Variants in THSD4 observed in about 807,000 individuals in gnomAD.
The protein encoded by THSD4 is thrombospondin type 1 domain containing 4.
Under a neutral mutation model 119.0 loss-of-function variants are expected in THSD4, and 69 were observed. The observed-to-expected ratio is 0.58, with a 90% CI of 0.48 to 0.71. THSD4 has a LOEUF of 0.71. Among genes scored for constraint, THSD4 ranks in the 30% least tolerant of loss-of-function variants. The pLI, the probability that THSD4 is intolerant of heterozygous loss-of-function variation, is 0.00. For synonymous variants in THSD4, 524 were observed against 540.4 expected, an observed-to-expected ratio of 0.97 and a Z score of 0.42; for missense variants, 1,393 against 1,391.1, an observed-to-expected ratio of 1.00 and a Z score of -0.02.
intron 7 of THSD4, among the ~76,000 whole-genome samples, chr15:71,654,061 G>T (rs2051142668): frequency 6.6e-6 from 1 of 152,202 alleles, no homozygotes; most frequent in Non-Finnish European, 1.5e-5. Context: ...TTTCCTGTTT[G>T]TGTTGCAACT....
intron 6 of THSD4, among the ~76,000 whole-genome samples, chr15:71,282,950 G>A (rs556890922): frequency 6.6e-6 from 1 of 151,540 alleles, no homozygotes; most frequent in East Asian, 1.9e-4. Flanking sequence ...TTTGACCTGT[G>A]AGGTGGGCAG....
chr15:71,470,052 G>C (rs1358989376), intron 7 of THSD4, among the ~76,000 whole-genome samples: 1 of 152,200 alleles, frequency 6.6e-6, no homozygotes, highest in Admixed American at 6.5e-5. Context: ...TTATGCAAAG[G>C]TGTAAAGGCA....
At chr15:71,729,053 C>T (rs1188900948) in intron 9 of THSD4, 1 of 306,136 alleles carries the variant, frequency 3.3e-6, no homozygotes, top group Non-Finnish European at 6.2e-6. Context: ...CAGGCACTTT[C>T]CTTATACTGC....
At chr15:71,158,345 GT>G (rs971680053) in intron 3 of THSD4, among the ~76,000 whole-genome samples, 7 of 151,834 alleles carry the variant, frequency 4.6e-5, no homozygotes, top group Admixed American at 4.6e-4. Flanking sequence ...TAGAGACGGG[GT>G]TTCTCCATGT....
chr15:71,108,336 G>C lies in THSD4; in HGVS notation c.-80+11330G>C, dbSNP rs79881450. ...AGCAGAGACTGGGGTCCACATTGCT[G>C]GGCTAAGCTTTGGGACAAGCCCATG... On this transcript the variant is annotated intron_variant, in intron 1 of 17. Transcript: ENST00000355327. Among the ~76,000 whole-genome samples, 366 of 152,332 alleles carry C rather than the reference G, an allele frequency of 2.4e-3. 1 individual carries two copies. The highest frequency in any genetic ancestry group is 6.8e-3 in the Middle Eastern group (2 of 294).
Position 71,737,941 on chromosome 15 carries a change from C to G in THSD4, c.1840C>G (p.Arg614Gly), listed in dbSNP as rs761832138. 1 of 1,613,896 alleles carries G rather than the reference C, an allele frequency of 6.2e-7. No individual in the cohort carries two copies. The highest frequency in any genetic ancestry group is 1.3e-5 in the African/African-American group (1 of 74,952). ...NLVPPAPQPP[R>G]RSRDHNWKQL... ...GGTGCCACCAGCACCGCAGCCCCCA[C>G]GGCGCAGCCGGGATCACAACTGGAA... Residue 614 changes from arginine to glycine, a missense_variant, in exon 11 of 18, where the codon CGG becomes GGG. Coordinates refer to ENST00000261862, the MANE Select transcript of THSD4 (RefSeq NM_024817.3).
intron 1 of THSD4, among the ~76,000 whole-genome samples, chr15:71,120,595 G>A (rs1025120731): frequency 1.3e-5 from 2 of 152,214 alleles, no homozygotes; most frequent in African/African-American, 4.8e-5. Flanking sequence ...CTGGCCCTTG[G>A]CCAGCTGCCT....
intron 5 of THSD4, among the ~76,000 whole-genome samples, chr15:71,255,576 C>G (rs914636319): frequency 3.9e-5 from 6 of 152,152 alleles, no homozygotes; most frequent in African/African-American, 1.4e-4. Context: ...AGAAAGATCT[C>G]TGGGTGATTG....
chr15:71,442,579 A>AAAAAAT lies in THSD4; in HGVS notation c.1152+30757_1152+30758insAAAATA, dbSNP rs1195413080. Among the ~76,000 whole-genome samples, 40 of 39,862 alleles carry AAAAAAT rather than the reference A, an allele frequency of 1.0e-3. 3 individuals are homozygous for AAAAAAT. The South Asian group carries it at 0.014, about 14-fold the overall frequency. The allele number at this position is 39,862 out of a possible 152,430, so 26.2% of individuals were successfully genotyped here. A position where few individuals can be genotyped will look rare whatever the true frequency, so the allele number is the denominator to read the frequency against. ...GCAAAACTCCATCTCAAAAAAAAAA[A>AAAAAAT]ATATATATATATATATATATATGTG... is the stretch of plus-strand genomic sequence containing the variant. On this transcript the variant is annotated intron_variant, in intron 7 of 17. Coordinates refer to ENST00000261862, the MANE Select transcript of THSD4 (RefSeq NM_024817.3).
chr15:71,598,549 T>C (rs769662025), intron 7 of THSD4, among the ~76,000 whole-genome samples: 3 of 152,180 alleles, frequency 2.0e-5, no homozygotes, highest in Admixed American at 6.5e-5. Flanking sequence ...ACACTCTCTT[T>C]GTGCCCCACC....
chr15:71,105,471 C>A (rs2040270440), intron 1 of THSD4, among the ~76,000 whole-genome samples: 1 of 152,180 alleles, frequency 6.6e-6, no homozygotes, highest in African/African-American at 2.4e-5. Context: ...CTGAAAGTTT[C>A]AACCTTCTAA....
intron 8 of THSD4, among the ~76,000 whole-genome samples, chr15:71,676,400 G>A (rs987749662): frequency 1.3e-5 from 2 of 152,050 alleles, no homozygotes; most frequent in Non-Finnish European, 2.9e-5. Flanking sequence ...TCCTGCCTCA[G>A]CCTCTTAAGT....
chr15:71,673,389 A>G (rs1364813826), intron 8 of THSD4, among the ~76,000 whole-genome samples: 1 of 151,804 alleles, frequency 6.6e-6, no homozygotes, highest in Non-Finnish European at 1.5e-5. Flanking sequence ...TTTCTTCTTT[A>G]TTAGTCTTGC....
At chr15:71,734,694 C>T (rs2053047233) in intron 10 of THSD4, among the ~76,000 whole-genome samples, 1 of 151,714 alleles carries the variant, frequency 6.6e-6, no homozygotes, top group African/African-American at 2.4e-5. Flanking sequence ...TACACATGTA[C>T]CAGTCTGATG....
chr15:71,529,640 A>C (rs990928355), intron 7 of THSD4, among the ~76,000 whole-genome samples: 1 of 152,210 alleles, frequency 6.6e-6, no homozygotes, highest in African/African-American at 2.4e-5. Context: ...AGACAGAAGA[A>C]ATAAAAGTAA....
At chr15:71,536,215 G>A (rs993904065) in intron 7 of THSD4, among the ~76,000 whole-genome samples, 14 of 152,120 alleles carry the variant, frequency 9.2e-5, no homozygotes, top group South Asian at 4.1e-4. Flanking sequence ...TGGCAAAACC[G>A]CAGGCCTTGT....
chr15:71,110,029 C>A (rs1431781377), intron 1 of THSD4, among the ~76,000 whole-genome samples: 2 of 152,208 alleles, frequency 1.3e-5, no homozygotes, highest in Non-Finnish European at 2.9e-5. Flanking sequence ...AAATTGCCAA[C>A]AAGGCCAAGG....
At chr15:71,691,908 A>T (rs970288960) in intron 8 of THSD4, among the ~76,000 whole-genome samples, 1 of 152,190 alleles carries the variant, frequency 6.6e-6, no homozygotes, top group African/African-American at 2.4e-5. Flanking sequence ...TGAAACTAGA[A>T]TCAAGATTCC....
chr15:71,460,142 T>C (rs2140611098), intron 7 of THSD4, among the ~76,000 whole-genome samples: 1 of 152,286 alleles, frequency 6.6e-6, no homozygotes, highest in South Asian at 2.1e-4. Flanking sequence ...GTAATTCTTT[T>C]TCTTGAGCAC....
Sources: gnomAD v4.1 joint callset for allele counts (sites outside exome capture counted in the v4.1 genomes callset) on GRCh38, gnomAD v4.1.1 for gene constraint, MANE v1.5 for transcripts, NCBI Gene and HGNC (gene_info 2026-07-23, HGNC 2026-07-21) for gene names.